Variants in STK24 observed in about 807,000 individuals in gnomAD.
STK24 encodes serine/threonine kinase 24.
STK24 carries 21 observed loss-of-function variants against 55.6 expected under a neutral mutation model. That is an observed-to-expected ratio of 0.38 (90% CI 0.27 to 0.54). The LOEUF (loss-of-function observed/expected upper bound fraction) is 0.54. Among genes scored for constraint, STK24 ranks in the 20% least tolerant of loss-of-function variants. STK24 has a pLI of 0.79. For missense variants in STK24, 383 were observed against 538.4 expected (o/e 0.71, Z 2.86); for synonymous variants, 200 against 215.2 (o/e 0.93, Z 0.62).
intron 1 of STK24, among the ~76,000 whole-genome samples, chr13:98,531,030 C>T (rs775223414): frequency 2.0e-5 from 3 of 152,090 alleles, no homozygotes; most frequent in Non-Finnish European, 4.4e-5. Context: ...ATTATTCTTC[C>T]CCTAAGTAAG....
intron 3 of STK24, among the ~76,000 whole-genome samples, chr13:98,479,057 T>C (rs1195519600): frequency 6.6e-6 from 1 of 152,074 alleles, no homozygotes; most frequent in Non-Finnish European, 1.5e-5. Flanking sequence ...GGCACACAAC[T>C]CTATGCTGAA....
intron 1 of STK24, among the ~76,000 whole-genome samples, chr13:98,539,539 C>A (rs191676090): frequency 6.6e-6 from 1 of 150,674 alleles, no homozygotes; most frequent in Non-Finnish European, 1.5e-5. Flanking sequence ...GTTCTTCTCT[C>A]GACTTGATCT....
chr13:98,564,282 C>G (rs1173420444), intron 1 of STK24, among the ~76,000 whole-genome samples: 7 of 152,168 alleles, frequency 4.6e-5, no homozygotes, highest in Admixed American at 4.6e-4. Flanking sequence ...AAAACACCGG[C>G]GGGTATGCCC....
intron 1 of STK24, chr13:98,576,042 T>C (rs1369198868): frequency 3.1e-5 from 31 of 984,728 alleles, no homozygotes; most frequent in Non-Finnish European, 3.6e-5. Flanking sequence ...TGCAACCAAG[T>C]CTCAAAGTGA....
At chr13:98,462,561 A>C in intron 7 of STK24, among the ~76,000 whole-genome samples, 1 of 149,212 alleles carries the variant, frequency 6.7e-6, no homozygotes, top group Non-Finnish European at 1.5e-5. Context: ...CTCCCCTCTC[A>C]CTCACAGGCG....
intron 5 of STK24, among the ~76,000 whole-genome samples, chr13:98,469,717 T>C (rs1894071466): frequency 6.6e-6 from 1 of 151,960 alleles, no homozygotes; most frequent in Admixed American, 6.6e-5. Flanking sequence ...CCTCCTAACT[T>C]TGGATTAGTC....
chr13:98,511,399 G>A (rs1430253169), intron 2 of STK24, among the ~76,000 whole-genome samples: 1 of 152,092 alleles, frequency 6.6e-6, no homozygotes, highest in African/African-American at 2.4e-5. Flanking sequence ...AGGCACTCTG[G>A]AAAATTAAAC....
At chr13:98,492,852 G>A (rs1362305218) in intron 2 of STK24, among the ~76,000 whole-genome samples, 1 of 152,168 alleles carries the variant, frequency 6.6e-6, no homozygotes, top group Non-Finnish European at 1.5e-5. Flanking sequence ...GGCAAGGAAG[G>A]AGAGAAACTG....
intron 1 of STK24, among the ~76,000 whole-genome samples, chr13:98,556,150 C>T (rs996433575): frequency 2.0e-5 from 3 of 152,306 alleles, no homozygotes; most frequent in South Asian, 2.1e-4. Flanking sequence ...AATTGTCAGT[C>T]GCATGGCCTG....
Position 98,446,711 on chromosome 13 carries a change from A to G in STK24, c.*6462T>C. The G allele has an allele frequency of 6.2e-7, 1 of 1,614,122 alleles. No homozygotes were observed. ...CCTGCCTCTGCTCGGCTACTCGCTC[A>G]CCATCCCCTCTGAGTCCGAGAACAT... On this transcript the variant is annotated 3_prime_UTR_variant, in exon 11 of 11. Coordinates refer to ENST00000539966, the MANE Select transcript of STK24 (RefSeq NM_001032296.4).
intron 5 of STK24, among the ~76,000 whole-genome samples, chr13:98,469,242 C>T (rs1594582904): frequency 6.6e-6 from 1 of 152,212 alleles, no homozygotes; most frequent in Admixed American, 6.5e-5. Flanking sequence ...GCAGCCAGTA[C>T]AGCACCATCA....
At chr13:98,546,494 G>C (rs1229713770) in intron 1 of STK24, among the ~76,000 whole-genome samples, 1 of 152,188 alleles carries the variant, frequency 6.6e-6, no homozygotes, top group Non-Finnish European at 1.5e-5. Context: ...ATTTTGCCAA[G>C]AATATGGTGA....
chr13:98,570,917 T>C (rs1045744240), intron 1 of STK24, among the ~76,000 whole-genome samples: 5 of 152,162 alleles, frequency 3.3e-5, no homozygotes, highest in Admixed American at 6.5e-5. Context: ...ACATGGATAA[T>C]AGAGTGCAAC....
chr13:98,492,417 G>C (rs985502747), intron 2 of STK24, among the ~76,000 whole-genome samples: 1 of 152,160 alleles, frequency 6.6e-6, no homozygotes, highest in South Asian at 2.1e-4. Context: ...AGGAAAAAAG[G>C]GTGCTTTTGG....
rs761222508 is a variant in STK24, at chr13:98,475,313, T to C, written c.376A>G (p.Arg126Gly). 1.9e-6 allele frequency: 3 copies of C among 1,613,820 alleles called. No homozygotes were observed. Among genetic ancestry groups the C allele is most frequent in the Non-Finnish European group, 1.7e-6 (2 of 1,179,946 alleles). ...LDETQIATIL[R>G]EILKGLDYLH... Reference sequence around the variant, plus strand: ...TAATCGAGTCCTTTCAGTATTTCTCTTAATATAGTAGCGATCTGGGTTTCA... The same window carrying C: ...TAATCGAGTCCTTTCAGTATTTCTCCTAATATAGTAGCGATCTGGGTTTCA... The change falls in exon 4 of 11, where the codon AGA becomes GGA. Residue 126 changes from arginine (R) to glycine (G), a missense_variant. Physicochemically the swap from Arg to Gly is moderately radical, Grantham distance 125. Transcript: ENST00000539966.
intron 5 of STK24, among the ~76,000 whole-genome samples, chr13:98,473,186 C>T (rs766346992): frequency 1.7e-5 from 2 of 120,270 alleles, no homozygotes; most frequent in African/African-American, 6.4e-5. Context: ...AATGTGCCTA[C>T]ACAGAATGGG....
chr13:98,513,936 C>G (rs1402381192), intron 2 of STK24, among the ~76,000 whole-genome samples: 1 of 152,094 alleles, frequency 6.6e-6, no homozygotes, highest in African/African-American at 2.4e-5. Flanking sequence ...AAGCCAAGGG[C>G]CAATACAAGA....
chr13:98,463,707 A>T lies in STK24; in HGVS notation c.913T>A (p.Ser305Thr). ...KAEQSHDDSS[S>T]EDSDAETDGQ... The stretch of plus-strand genomic sequence containing the variant: ...CCGACTTACGCGTCGGAATCCTCGG[A>T]GCTCGAGTCGTCATGGCTCTGCTCG... The change falls in exon 7 of 11, where the codon TCC (serine) becomes ACC (threonine). Residue 305 changes from serine to threonine, a missense_variant. Ser to Thr is a moderately conservative substitution (Grantham distance 58, BLOSUM62 1). Coordinates refer to ENST00000539966, the MANE Select transcript of STK24 (RefSeq NM_001032296.4). The T allele has an allele frequency of 6.2e-7, 1 of 1,613,932 alleles. No individual in the cohort carries two copies. Among genetic ancestry groups the T allele is most frequent in the Non-Finnish European group, 8.5e-7 (1 of 1,179,950 alleles).
At chr13:98,462,643 G>A (rs746355744) in intron 7 of STK24, among the ~76,000 whole-genome samples, 4 of 151,834 alleles carry the variant, frequency 2.6e-5, no homozygotes, top group Non-Finnish European at 4.4e-5. Context: ...TTTTTCTCTC[G>A]GCTCAAGTGA....
Sources: allele counts gnomAD v4.1 joint callset (sites outside exome capture counted in the v4.1 genomes callset), GRCh38; gene constraint gnomAD v4.1.1; transcripts MANE v1.5; gene names NCBI Gene and HGNC (gene_info 2026-07-23, HGNC 2026-07-21).